YIPF4: variants seen among roughly 807,000 people sequenced by gnomAD.
The protein encoded by YIPF4 is Yip1 domain family member 4.
YIPF4 carries 18 observed loss-of-function variants against 29.4 expected under a neutral mutation model. The ratio of observed to expected loss-of-function variants is 0.61; its 90% CI spans 0.42 to 0.91. The LOEUF (loss-of-function observed/expected upper bound fraction) is 0.91, where lower values mean the gene tolerates loss of function less well. YIPF4 is among the 40% of genes least tolerant of loss of function. The probability of loss-of-function intolerance (pLI) is 0.00; values close to 1 mark genes in which losing one functional copy is unlikely to be tolerated. For missense variants in YIPF4, 279 were observed against 282.7 expected, an observed-to-expected ratio of 0.99 and a Z score of 0.09; for synonymous variants, 115 against 104.7, an observed-to-expected ratio of 1.10 and a Z score of -0.60.
Position 32,313,160 on chromosome 2 carries a change from G to A in YIPF4, c.*7534G>A, listed in dbSNP as rs982621836. 2 of 152,094 alleles carry A rather than the reference G, an allele frequency of 1.3e-5. No individual in the cohort carries two copies. Among genetic ancestry groups the A allele is most frequent in the Admixed American group, 6.6e-5 (1 of 15,244 alleles). The allele number at this position is 152,094 out of a possible 1,614,324, so 9.4% of individuals were successfully genotyped here. A position where few individuals can be genotyped will look rare whatever the true frequency, so the allele number is the denominator to read the frequency against. On this transcript the variant is annotated 3_prime_UTR_variant, in exon 6 of 6. Coordinates refer to ENST00000238831, the MANE Select transcript of YIPF4 (RefSeq NM_032312.4). ...TAAAAGAAGCCTTCCTTGAAGCAAC[G>A]ATGCTTAAGCTGAAATCTTAGGGAA... is the stretch of plus-strand genomic sequence containing the variant.
chr2:32,306,879 C>T lies in YIPF4; in HGVS notation c.*1253C>T, dbSNP rs556465603. ...TGCTGTCCTCAGTATGATAACATGGCGACCTCTTGGTATGTATTTCTTTAG... is the reference window on the plus strand; with the variant it reads ...TGCTGTCCTCAGTATGATAACATGGTGACCTCTTGGTATGTATTTCTTTAG... On this transcript the variant is annotated 3_prime_UTR_variant, in exon 6 of 6. Transcript: ENST00000238831. 9.9e-5 allele frequency: 26 copies of T among 262,108 alleles called. No individual in the cohort carries two copies. The highest frequency in any genetic ancestry group is 1.6e-4 in the African/African-American group (7 of 43,178). 16.2% of individuals were successfully genotyped at this position (262,108 alleles called of 1,614,324 possible).
intron 1 of YIPF4, among the ~76,000 whole-genome samples, chr2:32,286,228 G>T (rs1573527531): frequency 6.6e-6 from 1 of 152,168 alleles, no homozygotes; most frequent in East Asian, 1.9e-4. Context: ...AAGGTCTGTG[G>T]ATTGTACCAG....
chr2:32,311,653 A>AC lies in YIPF4; in HGVS notation c.*6028dup. 6.6e-6 allele frequency: 1 copy of AC among 152,376 alleles called. No homozygotes were observed. The highest frequency in any genetic ancestry group is 6.5e-5 in the Admixed American group (1 of 15,310). The allele number at this position is 152,376 out of a possible 1,614,324, so 9.4% of individuals were successfully genotyped here. ...GTGTATATACAAGTTGTTAATACTT[A>AC]CGAAAAAAGGAAGCATTCCCACCTG... On this transcript the variant is annotated 3_prime_UTR_variant, in exon 6 of 6. Coordinates refer to ENST00000238831, the MANE Select transcript of YIPF4 (RefSeq NM_032312.4).
intron 4 of YIPF4, among the ~76,000 whole-genome samples, chr2:32,300,800 G>A (rs1213476754): frequency 6.6e-6 from 1 of 152,122 alleles, no homozygotes; most frequent in Non-Finnish European, 1.5e-5. Flanking sequence ...GCAAAGCAGT[G>A]TTTCTCTCTA....
Position 32,306,970 on chromosome 2 carries a change from GC to G in YIPF4, c.*1347del. On this transcript the variant is annotated 3_prime_UTR_variant, in exon 6 of 6. Transcript: ENST00000238831. The stretch of plus-strand genomic sequence containing the variant: ...AACCTACAAATGAGTGTGTTATCAA[GC>G]CCAGCCGTCTTCCTTTCCCCTAATC... 1 of 480,038 alleles carries G rather than the reference GC, an allele frequency of 2.1e-6. No homozygotes were observed. Among genetic ancestry groups the G allele is most frequent in the South Asian group, 2.3e-5 (1 of 44,180 alleles). 29.7% of individuals were successfully genotyped at this position (480,038 alleles called of 1,614,324 possible).
chr2:32,281,451 A>C (rs1031408430), intron 1 of YIPF4, among the ~76,000 whole-genome samples: 1 of 152,108 alleles, frequency 6.6e-6, no homozygotes, highest in Admixed American at 6.6e-5. Context: ...CATGTTTCAC[A>C]GGCTGGTCTT....
chr2:32,299,853 C>T (rs1370366723), intron 4 of YIPF4, among the ~76,000 whole-genome samples: 1 of 152,068 alleles, frequency 6.6e-6, no homozygotes, highest in Non-Finnish European at 1.5e-5. Flanking sequence ...GGTGTGCTGG[C>T]GCATGCCTGT....
At chr2:32,304,536 A>T (rs2031512620) in intron 5 of YIPF4, among the ~76,000 whole-genome samples, 2 of 152,064 alleles carry the variant, frequency 1.3e-5, no homozygotes, top group African/African-American at 4.8e-5. Flanking sequence ...ACTGAGGTAG[A>T]TTTTGTCCCC....
In YIPF4 at chr2:32,305,580, T is replaced by C. The variant is rs2148968378; in HGVS notation, c.689T>C (p.Ile230Thr). 2 of 1,609,390 alleles carry C rather than the reference T, an allele frequency of 1.2e-6. No individual in the cohort carries two copies. The highest frequency in any genetic ancestry group is 4.5e-5 in the East Asian group (2 of 44,674). Reference protein sequence around the residue: ...KTKKPLLIYPIFLLYIYFLSL... With the variant: ...KTKKPLLIYPTFLLYIYFLSL... ...AAAAAGCCTCTTCTGATTTATCCAA[T>C]CTTTTTATTATACATTTATTTTTTG... Residue 230 changes from isoleucine (I) to threonine (T), a missense_variant, in exon 6 of 6, where the codon ATC becomes ACC. Coordinates refer to ENST00000238831, the MANE Select transcript of YIPF4 (RefSeq NM_032312.4).
At position 32,306,060 on chromosome 2, in the gene YIPF4, C is replaced by T. The variant is rs1190200826; in HGVS notation, c.*434C>T. 3 of 797,960 alleles carry T rather than the reference C, an allele frequency of 3.8e-6. No homozygotes were observed. In the African/African-American group the frequency reaches 5.6e-5, roughly 15 times the overall value. The allele number at this position is 797,960 out of a possible 1,614,324, so 49.4% of individuals were successfully genotyped here. ...CTGCAGATATATATTTATATTTATA[C>T]ATATATATTTATGAAATAATTCTTA... On this transcript the variant is annotated 3_prime_UTR_variant, in exon 6 of 6. Transcript: ENST00000238831.
At position 32,305,875 on chromosome 2, in the gene YIPF4, G is replaced by A. The variant is rs2031565046; in HGVS notation, c.*249G>A. ...ATATTCCAGTGAATAAAATACAAAA[G>A]CATTGTGTTTTTAAGATTGTGTCGA... On this transcript the variant is annotated 3_prime_UTR_variant, in exon 6 of 6. Coordinates refer to ENST00000238831, the MANE Select transcript of YIPF4 (RefSeq NM_032312.4). 1 of 1,102,378 alleles carries A rather than the reference G, an allele frequency of 9.1e-7. No individual in the cohort carries two copies. The highest frequency in any genetic ancestry group is 4.4e-5 in the South Asian group (1 of 22,920). 68.3% of individuals were successfully genotyped at this position (1,102,378 alleles called of 1,614,324 possible). A position where few individuals can be genotyped will look rare whatever the true frequency, so the allele number is the denominator to read the frequency against.
At chr2:32,301,587 CTT>C (rs1239528147) in intron 5 of YIPF4, 92 bp downstream of exon 5, 25 of 778,846 alleles carry the variant, frequency 3.2e-5, no homozygotes, top group East Asian at 8.3e-5. Context: ...ATATAAAACT[CTT>C]TATCAAACAG....
Position 32,305,935 on chromosome 2 carries a change from A to G in YIPF4, c.*309A>G, listed in dbSNP as rs1375287145. On this transcript the variant is annotated 3_prime_UTR_variant, in exon 6 of 6. Transcript: ENST00000238831. ...AAAAACTTGTGCCAAAAGCACCTGG[A>G]TTGGTAATTATATTTCACTTAAAGG... The G allele has an allele frequency of 4.0e-6, 4 of 1,009,060 alleles. No homozygotes were observed. Among genetic ancestry groups the G allele is most frequent in the Non-Finnish European group, 2.4e-6 (2 of 845,968 alleles). The allele number at this position is 1,009,060 out of a possible 1,614,324, so 62.5% of individuals were successfully genotyped here. A position where few individuals can be genotyped will look rare whatever the true frequency, so the allele number is the denominator to read the frequency against.
chr2:32,290,312 A>G (rs2030854553), intron 1 of YIPF4, among the ~76,000 whole-genome samples, 171 bp from the exon 2 acceptor site: 1 of 152,172 alleles, frequency 6.6e-6, no homozygotes, highest in South Asian at 2.1e-4. Flanking sequence ...TTATAAAATA[A>G]ATGATGGTTT....
rs2148970226 is a variant in YIPF4, at chr2:32,311,175, T to C, written c.*5549T>C. 1 of 152,272 alleles carries C rather than the reference T, an allele frequency of 6.6e-6. No homozygotes were observed. Among genetic ancestry groups the C allele is most frequent in the Non-Finnish European group, 1.5e-5 (1 of 68,010 alleles). 9.4% of individuals were successfully genotyped at this position (152,272 alleles called of 1,614,324 possible). The stretch of plus-strand genomic sequence containing the variant: ...GTAAGACCTTGTCTCTTAAAAAAAA[T>C]ACATTCTGAAGAAAGTTCTACTTAT... On this transcript the variant is annotated 3_prime_UTR_variant, in exon 6 of 6. Coordinates refer to ENST00000238831, the MANE Select transcript of YIPF4 (RefSeq NM_032312.4).
At position 32,278,002 on chromosome 2, in the gene YIPF4, C is replaced by A; in HGVS notation, c.-154C>A. ...GGTAGTCTCGGGGCAGCTCAGCGGC[C>A]CGCTGTGCCCGTTTCTGGCCTCGCT... is the stretch of plus-strand genomic sequence containing the variant. On this transcript the variant is annotated 5_prime_UTR_variant, in exon 1 of 6. Transcript: ENST00000238831. 1.6e-6 allele frequency: 1 copy of A among 623,838 alleles called. No individual in the cohort carries two copies. Among genetic ancestry groups the A allele is most frequent in the Non-Finnish European group, 2.7e-6 (1 of 375,574 alleles). The allele number at this position is 623,838 out of a possible 1,614,324, so 38.6% of individuals were successfully genotyped here.
In YIPF4 at chr2:32,316,068, C is replaced by CAG. The variant is rs1458812159; in HGVS notation, c.*10444_*10445dup. The CAG allele has an allele frequency of 3.5e-5, 5 of 141,214 alleles. No homozygotes were observed. The highest frequency in any genetic ancestry group is 6.2e-5 in the Non-Finnish European group (4 of 64,826). The allele number at this position is 141,214 out of a possible 1,614,324, so 8.7% of individuals were successfully genotyped here. On this transcript the variant is annotated 3_prime_UTR_variant, in exon 6 of 6. Transcript: ENST00000238831. ...AAAAAAAAAAAAAAAGTATAAAGCA[C>CAG]AGAAGCGAAAGGAAAAGTGATGAAG... is the stretch of plus-strand genomic sequence containing the variant.
At chr2:32,291,644 C>T (rs976765771) in intron 2 of YIPF4, among the ~76,000 whole-genome samples, 1 of 152,106 alleles carries the variant, frequency 6.6e-6, no homozygotes, top group Non-Finnish European at 1.5e-5. Flanking sequence ...GTGCGTAAGA[C>T]GGCATAAAGC....
intron 5 of YIPF4, 77 bp from the exon 6 acceptor site, chr2:32,305,412 A>G: frequency 7.2e-7 from 1 of 1,386,042 alleles, no homozygotes; most frequent in Non-Finnish European, 9.4e-7. Flanking sequence ...TGTAAACACC[A>G]TTTTTACTCT....
Sources: gnomAD v4.1 joint callset for allele counts (sites outside exome capture counted in the v4.1 genomes callset) on GRCh38, gnomAD v4.1.1 for gene constraint, MANE v1.5 for transcripts, NCBI Gene and HGNC (gene_info 2026-07-23, HGNC 2026-07-21) for gene names.